The following PDE12 variants were observed in gnomAD, a reference collection of about 807,000 sequenced individuals.
The protein encoded by PDE12 is phosphodiesterase 12.
Under a neutral mutation model 45.4 loss-of-function variants are expected in PDE12, and 26 were observed. That is an observed-to-expected ratio of 0.57 (90% CI 0.42 to 0.79). The LOEUF is 0.79. Ranked by LOEUF, PDE12 falls within the 30% of genes least tolerant of loss-of-function variation. The probability of loss-of-function intolerance (pLI) is 0.00; values close to 1 mark genes in which losing one functional copy is unlikely to be tolerated. For synonymous variants in PDE12, 283 were observed against 323.9 expected (o/e 0.87, Z 1.36); for missense variants, 668 against 790.0 (o/e 0.85, Z 1.85).
At chr3:57,589,717 C>CA in the PDE12 span, among the ~76,000 whole-genome samples, 1 of 151,208 alleles carries the variant, frequency 6.6e-6, no homozygotes, top group Non-Finnish European at 1.5e-5. Context: ...GACTCCGTCT[C>CA]AAAAAAACAA....
At chr3:57,635,384 C>T in the PDE12 span, among the ~76,000 whole-genome samples, 1 of 152,060 alleles carries the variant, frequency 6.6e-6, no homozygotes, top group South Asian at 2.1e-4. Context: ...TATGCAGGCC[C>T]TGGTCTTAGG....
At chr3:57,569,829 C>CAAAAAAAAAAAAAAAAA (rs11310053), downstream of PDE12, among the ~76,000 whole-genome samples, 1 of 67,878 alleles carries the variant, frequency 1.5e-5, no homozygotes. Context: ...AAAACCATCT[C>CAAAAAAAAAAAAAAAAA]AAAAAAAAAA....
the PDE12 span, among the ~76,000 whole-genome samples, chr3:57,620,478 C>T: frequency 1.3e-5 from 2 of 151,840 alleles, no homozygotes; most frequent in African/African-American, 4.8e-5. Context: ...GGGATTCTAG[C>T]CAGCGCAATC....
the PDE12 span, among the ~76,000 whole-genome samples, chr3:57,612,084 C>G: frequency 6.6e-6 from 1 of 151,560 alleles, no homozygotes; most frequent in African/African-American, 2.4e-5. Flanking sequence ...AGTTCACGTC[C>G]TTTATAGGGG....
At chr3:57,605,519 T>A in the PDE12 span, among the ~76,000 whole-genome samples, 1 of 152,144 alleles carries the variant, frequency 6.6e-6, no homozygotes, top group Non-Finnish European at 1.5e-5. Context: ...GAATAATTAA[T>A]TCTAAATTGA....
At chr3:57,650,430 A>ACACG in the PDE12 span, among the ~76,000 whole-genome samples, 1 of 144,658 alleles carries the variant, frequency 6.9e-6, no homozygotes, top group Middle Eastern at 3.7e-3. Context: ...ATACACACAC[A>ACACG]CACACACACA....
At chr3:57,609,946 G>T in the PDE12 span, among the ~76,000 whole-genome samples, 1 of 152,108 alleles carries the variant, frequency 6.6e-6, no homozygotes, top group Non-Finnish European at 1.5e-5. Context: ...GAGAATTTTA[G>T]ACCAATATCC....
chr3:57,597,038 T>C, the PDE12 span: 31 of 1,608,526 alleles, frequency 1.9e-5, no homozygotes, highest in South Asian at 2.8e-4. Context: ...ACCCTGCCTT[T>C]CCCAGGTCCC....
chr3:57,590,907 A>T, the PDE12 span, among the ~76,000 whole-genome samples: 1 of 152,212 alleles, frequency 6.6e-6, no homozygotes, highest in African/African-American at 2.4e-5. Flanking sequence ...GCTGCGTAAT[A>T]GTTTAAAATA....
At chr3:57,629,278 T>C in the PDE12 span, among the ~76,000 whole-genome samples, 1 of 152,172 alleles carries the variant, frequency 6.6e-6, no homozygotes, top group South Asian at 2.1e-4. Context: ...GTACACTTCG[T>C]GTTTTCGGAT....
At chr3:57,570,999 G>GTTT (rs1259548206), downstream of PDE12, among the ~76,000 whole-genome samples, 1 of 140,308 alleles carries the variant, frequency 7.1e-6, no homozygotes, top group African/African-American at 2.7e-5. Context: ...TTGTTGTTTT[G>GTTT]TTTTTAGTTT....
chr3:57,556,666 G>A lies in PDE12; in HGVS notation c.287G>A (p.Arg96Lys). 5 of 1,599,944 alleles carry A rather than the reference G, an allele frequency of 3.1e-6. No individual in the cohort carries two copies. Among genetic ancestry groups the A allele is most frequent in the Non-Finnish European group, 4.3e-6 (5 of 1,170,200 alleles). ...AAGGCGGCCGCCGCCAAGAAGAGCA[G>A]GAAGAGCCGGCCGAATGCTAGCGGC... ...HAKAAAAKKSRKSRPNASGGA... is the reference protein window; with the variant it reads ...HAKAAAAKKSKKSRPNASGGA... The change falls in exon 1 of 3, where the codon AGG becomes AAG. Residue 96 changes from arginine to lysine, a missense_variant. Around this residue, in one of 3 missense-constraint regions of PDE12, gnomAD observed 580 missense variants for 662.9 expected, o/e 0.87. Coordinates refer to ENST00000311180, the MANE Select transcript of PDE12 (RefSeq NM_177966.7). This position sits in a 1 kb window ranked among gnomAD's most constrained non-coding sequence, Gnocchi z 5.0.
the PDE12 span, chr3:57,630,388 G>A: frequency 2.6e-6 from 4 of 1,520,242 alleles, no homozygotes; most frequent in East Asian, 4.6e-5. Context: ...TTCAACAGTT[G>A]TTAATCATTA....
At chr3:57,625,302 A>G in the PDE12 span, among the ~76,000 whole-genome samples, 1 of 152,234 alleles carries the variant, frequency 6.6e-6, no homozygotes, top group Non-Finnish European at 1.5e-5. Flanking sequence ...TCACCTGTTC[A>G]TAGTGAAGTA....
At chr3:57,654,176 C>T in the PDE12 span, among the ~76,000 whole-genome samples, 3 of 151,244 alleles carry the variant, frequency 2.0e-5, no homozygotes, top group Admixed American at 1.3e-4. Flanking sequence ...AGGATGGTCT[C>T]GATCTCCTGA....
chr3:57,645,440 G>A, the PDE12 span, among the ~76,000 whole-genome samples: 3 of 152,088 alleles, frequency 2.0e-5, no homozygotes, highest in Admixed American at 1.3e-4. Context: ...CAGCCTGGGC[G>A]ACAGAGCAAA....
the PDE12 span, among the ~76,000 whole-genome samples, chr3:57,609,033 G>A: frequency 6.6e-6 from 1 of 152,270 alleles, no homozygotes; most frequent in Non-Finnish European, 1.5e-5. Flanking sequence ...ATAACAAACT[G>A]TCTGTCAGAC....
chr3:57,602,706 G>C, the PDE12 span, among the ~76,000 whole-genome samples: 1 of 152,070 alleles, frequency 6.6e-6, no homozygotes. Flanking sequence ...GAGTAGCTGG[G>C]ACTACAGGCG....
chr3:57,590,451 A>C, the PDE12 span, among the ~76,000 whole-genome samples: 2 of 152,162 alleles, frequency 1.3e-5, no homozygotes. Context: ...GCGCCACTGC[A>C]CTCTAGCCTA....
Sources: allele counts gnomAD v4.1 joint callset (sites outside exome capture counted in the v4.1 genomes callset), GRCh38; gene constraint gnomAD v4.1.1; regional missense constraint gnomAD v4.1.1; non-coding constraint Gnocchi (gnomAD v3.1); transcripts MANE v1.5; gene names NCBI Gene and HGNC (gene_info 2026-07-23, HGNC 2026-07-21).